ME3: variants seen among roughly 807,000 people sequenced by gnomAD.
ME3 encodes the protein malic enzyme 3, also known as NADP-dependent malic enzyme, mitochondrial.
A neutral mutation model predicts 68.9 loss-of-function variants in ME3; 48 were observed. The observed-to-expected ratio is 0.70, with a 90% CI of 0.55 to 0.89. ME3 has a LOEUF of 0.89. Ranked by LOEUF, ME3 falls within the 40% of genes least tolerant of loss-of-function variation. ME3 has a pLI of 0.00. For missense variants in ME3, 675 were observed against 797.4 expected (o/e 0.85, Z 1.85); for synonymous variants, 320 against 318.8 (o/e 1.00, Z -0.04).
intron 6 of ME3, among the ~76,000 whole-genome samples, chr11:86,496,277 A>G (rs922461527): frequency 6.6e-6 from 1 of 152,140 alleles, no homozygotes; most frequent in Admixed American, 6.5e-5. Context: ...GTGGTAGCAC[A>G]TGCCTGTAAT....
chr11:86,532,284 C>A (rs1228078313), intron 4 of ME3, among the ~76,000 whole-genome samples: 3 of 152,102 alleles, frequency 2.0e-5, no homozygotes, highest in South Asian at 2.1e-4. Flanking sequence ...TAGCAGAAGA[C>A]CTCAATCTCC....
At chr11:86,646,868 A>G (rs1044986918) in intron 2 of ME3, among the ~76,000 whole-genome samples, 4 of 152,238 alleles carry the variant, frequency 2.6e-5, no homozygotes, top group African/African-American at 9.6e-5. Context: ...CAGAAACCCT[A>G]CAAGCCAAAA....
intron 8 of ME3, chr11:86,457,817 C>T (rs1173444671): frequency 8.0e-7 from 1 of 1,252,802 alleles, no homozygotes; most frequent in Non-Finnish European, 1.0e-6. Context: ...TCCATAATTA[C>T]ATTTCCTGCA....
At chr11:86,490,847 T>C (rs1050824661) in intron 6 of ME3, among the ~76,000 whole-genome samples, 3 of 152,168 alleles carry the variant, frequency 2.0e-5, no homozygotes, top group African/African-American at 7.2e-5. Context: ...ATAGAGTGAA[T>C]TTCTCAATCC....
chr11:86,509,253 A>G (rs1343074591), intron 4 of ME3, among the ~76,000 whole-genome samples: 1 of 152,216 alleles, frequency 6.6e-6, no homozygotes, highest in Non-Finnish European at 1.5e-5. Flanking sequence ...ACACTGCAGT[A>G]GCTGGATCCC....
rs545336448 is a variant in ME3 at position 86,593,998 on chromosome 11, C to G, written c.184-34175G>C. On this transcript the variant is annotated intron_variant, in intron 2 of 14. Transcript: ENST00000543262. ...GTACTTAAGAGACTGATGACTCATTCTTTCATTCAACAAATATTTAATAAG... is the reference window on the plus strand; with the variant it reads ...GTACTTAAGAGACTGATGACTCATTGTTTCATTCAACAAATATTTAATAAG... Among the ~76,000 whole-genome samples, 16 of 146,092 alleles carry G rather than the reference C, an allele frequency of 1.1e-4. 2 individuals carry two copies. Among genetic ancestry groups the G allele is most frequent in the African/African-American group, 4.0e-4 (16 of 39,732 alleles).
At chr11:86,516,123 A>C (rs2139149514) in intron 4 of ME3, among the ~76,000 whole-genome samples, 1 of 152,168 alleles carries the variant, frequency 6.6e-6, no homozygotes, top group East Asian at 1.9e-4. Context: ...TCTTGCTTTT[A>C]ATAGCCATTA....
intron 4 of ME3, among the ~76,000 whole-genome samples, chr11:86,544,967 T>C (rs1956277178): frequency 6.6e-6 from 1 of 152,182 alleles, no homozygotes; most frequent in African/African-American, 2.4e-5. Flanking sequence ...TCAAAAAGCT[T>C]ATCCACCACG....
intron 7 of ME3, among the ~76,000 whole-genome samples, chr11:86,476,019 T>C (rs1015426476): frequency 5.9e-5 from 9 of 152,072 alleles, no homozygotes; most frequent in African/African-American, 2.2e-4. Flanking sequence ...CACAATCTTT[T>C]AAAATTAACA....
intron 7 of ME3, among the ~76,000 whole-genome samples, chr11:86,477,674 G>C (rs1951162158): frequency 6.6e-6 from 1 of 152,148 alleles, no homozygotes; most frequent in South Asian, 2.1e-4. Flanking sequence ...TAGTGTCATT[G>C]AATCATATCC....
At position 86,511,666 on chromosome 11, in the gene ME3, C is replaced by T. The variant is rs543087909; in HGVS notation, c.468-2799G>A. Among the ~76,000 whole-genome samples the T allele has an allele frequency of 7.2e-5, 11 of 152,158 alleles. No homozygotes were observed. In the South Asian group the frequency reaches 1.0e-3, roughly 14 times the overall value. On this transcript the variant is annotated intron_variant, in intron 4 of 14. Transcript: ENST00000543262. ...TGCCTTTGTAAGACTAAGGAAAGGC[C>T]GCAAGATTAGGATTATGGAAAGGGC...
intron 7 of ME3, among the ~76,000 whole-genome samples, chr11:86,470,635 C>T (rs1950732025): frequency 6.6e-6 from 1 of 152,212 alleles, no homozygotes; most frequent in South Asian, 2.1e-4. Context: ...TGACCAGACA[C>T]CTTACTCTGT....
chr11:86,639,762 T>G (rs1944552194), intron 2 of ME3, among the ~76,000 whole-genome samples: 1 of 152,202 alleles, frequency 6.6e-6, no homozygotes, highest in African/African-American at 2.4e-5. Context: ...AACTTCAAGG[T>G]AAAAGAAACC....
intron 2 of ME3, among the ~76,000 whole-genome samples, chr11:86,651,613 C>CG (rs938982996): frequency 2.6e-5 from 4 of 152,044 alleles, no homozygotes; most frequent in African/African-American, 9.7e-5. Flanking sequence ...TCATCAAAGA[C>CG]GAAAAAGTAG....
chr11:86,671,537 G>T (rs769037108), intron 2 of ME3, among the ~76,000 whole-genome samples: 2 of 152,240 alleles, frequency 1.3e-5, no homozygotes, highest in Non-Finnish European at 2.9e-5. Flanking sequence ...TGTTACTGCA[G>T]AAGAAATTAG....
At chr11:86,472,851 G>A (rs949346336) in intron 7 of ME3, among the ~76,000 whole-genome samples, 2 of 152,238 alleles carry the variant, frequency 1.3e-5, no homozygotes, top group Non-Finnish European at 2.9e-5. Flanking sequence ...AAGGGCCGAG[G>A]ATGGAGGGTG....
chr11:86,619,947 C>A (rs1182176080), intron 2 of ME3, among the ~76,000 whole-genome samples: 1 of 152,158 alleles, frequency 6.6e-6, no homozygotes, highest in Admixed American at 6.6e-5. Flanking sequence ...AGCCACAAAC[C>A]ATTTTTCCAG....
intron 2 of ME3, among the ~76,000 whole-genome samples, chr11:86,648,229 T>C (rs1945161201): frequency 6.6e-6 from 1 of 152,122 alleles, no homozygotes; most frequent in Non-Finnish European, 1.5e-5. Context: ...AGATATAACA[T>C]ACCAGAATCT....
At chr11:86,474,984 CAAAT>C (rs1950978182) in intron 7 of ME3, among the ~76,000 whole-genome samples, 1 of 152,180 alleles carries the variant, frequency 6.6e-6, no homozygotes, top group South Asian at 2.1e-4. Flanking sequence ...AATAGGAAAA[CAAAT>C]AACTGAATGT....
Sources: gnomAD v4.1 joint callset for allele counts (sites outside exome capture counted in the v4.1 genomes callset) on GRCh38, gnomAD v4.1.1 for gene constraint, MANE v1.5 for transcripts, NCBI Gene and HGNC (gene_info 2026-07-23, HGNC 2026-07-21) for gene names.